CLASP1: variants seen among roughly 807,000 people sequenced by gnomAD.
The protein encoded by CLASP1 is CLIP-associating protein 1.
In CLASP1, 38 loss-of-function variants were observed where a neutral mutation model predicts 192.3. The ratio of observed to expected loss-of-function variants is 0.20; its 90% CI spans 0.15 to 0.26. The LOEUF (loss-of-function observed/expected upper bound fraction) is 0.26, where lower values mean the gene tolerates loss of function less well. Ranked by LOEUF, CLASP1 falls within the 10% of genes least tolerant of loss-of-function variation. CLASP1 has a pLI of 1.00. For synonymous variants in CLASP1, 691 were observed against 712.8 expected (o/e 0.97, Z 0.49); for missense variants, 1,433 against 1,932.5 (o/e 0.74, Z 4.85).
At chr2:121,448,225 T>G (rs1053064603) in intron 18 of CLASP1, 51 bp downstream of exon 18, 6 of 1,533,762 alleles carry the variant, frequency 3.9e-6, no homozygotes, top group Non-Finnish European at 2.7e-6. Context: ...CAGCTGCACG[T>G]ACAGCCCACC....
chr2:121,395,098 A>T (rs1445459925), intron 30 of CLASP1, among the ~76,000 whole-genome samples: 2 of 152,120 alleles, frequency 1.3e-5, no homozygotes, highest in Non-Finnish European at 2.9e-5. Flanking sequence ...CACCTGCAAG[A>T]GACTGAAATC....
intron 2 of CLASP1, among the ~76,000 whole-genome samples, chr2:121,596,111 T>C (rs911338778): frequency 6.6e-6 from 1 of 152,206 alleles, no homozygotes; most frequent in Non-Finnish European, 1.5e-5. Flanking sequence ...TAAACACATT[T>C]AGGAAGAAAT....
At chr2:121,383,642 A>T (rs2072321128) in intron 32 of CLASP1, among the ~76,000 whole-genome samples, 2 of 152,060 alleles carry the variant, frequency 1.3e-5, no homozygotes, top group Non-Finnish European at 2.9e-5. Context: ...CTGCTCTATG[A>T]CATGTTTGCC....
chr2:121,401,918 C>T, intron 26 of CLASP1, 48 bp from the exon 28 acceptor site: 1 of 660,996 alleles, frequency 1.5e-6, no homozygotes, highest in Non-Finnish European at 2.8e-6. Flanking sequence ...AAACAAATTC[C>T]ATGTTAGTTG....
chr2:121,631,568 A>G (rs570632733), intron 1 of CLASP1, among the ~76,000 whole-genome samples: 18 of 151,288 alleles, frequency 1.2e-4, no homozygotes, highest in African/African-American at 4.1e-4. Flanking sequence ...TTACAGGCGT[A>G]AGCCACCAAG....
intron 1 of CLASP1, among the ~76,000 whole-genome samples, chr2:121,619,149 C>T (rs1341860620): frequency 6.6e-6 from 1 of 152,080 alleles, no homozygotes; most frequent in Non-Finnish European, 1.5e-5. Context: ...AATGTAAAAG[C>T]ACCAAAATGA....
intron 19 of CLASP1, among the ~76,000 whole-genome samples, chr2:121,443,462 G>C (rs181636255): frequency 6.6e-6 from 1 of 152,054 alleles, no homozygotes; most frequent in Non-Finnish European, 1.5e-5. Context: ...TCCCAGTAAG[G>C]CTGAGAAAAC....
chr2:121,388,349 C>A (rs1004328879), intron 30 of CLASP1, among the ~76,000 whole-genome samples: 43 of 152,192 alleles, frequency 2.8e-4, no homozygotes, highest in Non-Finnish European at 1.9e-4. Context: ...TGAAGCCATA[C>A]TCCTCTTGAC....
intron 2 of CLASP1, chr2:121,530,917 A>C: frequency 1.4e-6 from 1 of 699,502 alleles, no homozygotes; most frequent in Non-Finnish European, 2.6e-6. Flanking sequence ...CTGTCCAATG[A>C]GCGCATAGTG....
intron 19 of CLASP1, among the ~76,000 whole-genome samples, chr2:121,434,870 CCT>C (rs1402153292): frequency 6.6e-6 from 1 of 152,134 alleles, no homozygotes; most frequent in Non-Finnish European, 1.5e-5. Context: ...CGCCTGCAAT[CCT>C]CTTTTACTGG....
intron 6 of CLASP1, among the ~76,000 whole-genome samples, chr2:121,519,547 A>G (rs1238711595): frequency 6.6e-6 from 1 of 152,216 alleles, no homozygotes; most frequent in Non-Finnish European, 1.5e-5. Flanking sequence ...TCAAAATGTA[A>G]AATTAAAACA....
chr2:121,514,905 T>C (rs1371115325), intron 7 of CLASP1, among the ~76,000 whole-genome samples: 2 of 152,220 alleles, frequency 1.3e-5, no homozygotes, highest in Non-Finnish European at 2.9e-5. Context: ...AGTCACTTCA[T>C]GTTTCTAGGC....
chr2:121,375,609 G>A (rs781266159), intron 34 of CLASP1, among the ~76,000 whole-genome samples: 15 of 152,070 alleles, frequency 9.9e-5, no homozygotes, highest in Middle Eastern at 3.4e-3. Flanking sequence ...TGATCCACCC[G>A]CCTCGGCCTC....
At chr2:121,507,564 T>A (rs1483526846) in intron 7 of CLASP1, among the ~76,000 whole-genome samples, 1 of 152,226 alleles carries the variant, frequency 6.6e-6, no homozygotes, top group Non-Finnish European at 1.5e-5. Flanking sequence ...CCCTAGTTGT[T>A]ATCGTTGCCT....
At chr2:121,373,848 C>G (rs992140747) in intron 34 of CLASP1, among the ~76,000 whole-genome samples, 1 of 152,088 alleles carries the variant, frequency 6.6e-6, no homozygotes. Flanking sequence ...TGCATAAACA[C>G]AAAAATGACC....
At chr2:121,419,683 G>C (rs567899914) in intron 22 of CLASP1, among the ~76,000 whole-genome samples, 1 of 151,574 alleles carries the variant, frequency 6.6e-6, no homozygotes, top group South Asian at 2.1e-4. Context: ...GCTTAGAAAA[G>C]ACCAGGATAC....
chr2:121,595,688 T>A (rs1008356871), intron 2 of CLASP1, among the ~76,000 whole-genome samples: 2 of 152,204 alleles, frequency 1.3e-5, no homozygotes, highest in African/African-American at 4.8e-5. Flanking sequence ...GACTTTATTA[T>A]CAACACTGAA....
At chr2:121,510,537 G>C (rs114105320) in intron 7 of CLASP1, among the ~76,000 whole-genome samples, 1,538 of 152,198 alleles carry the variant, frequency 0.01, 30 homozygotes, top group African/African-American at 0.035. Flanking sequence ...TAGAGAAATT[G>C]AATTAGTGAC....
At chr2:121,567,837 C>A (rs1481894606) in intron 2 of CLASP1, among the ~76,000 whole-genome samples, 1 of 152,192 alleles carries the variant, frequency 6.6e-6, no homozygotes, top group East Asian at 1.9e-4. Flanking sequence ...TGGAGCGCCA[C>A]ATAATACAAA....
Sources: allele counts gnomAD v4.1 joint callset (sites outside exome capture counted in the v4.1 genomes callset), GRCh38; gene constraint gnomAD v4.1.1; transcripts MANE v1.5; gene names NCBI Gene and HGNC (gene_info 2026-07-23, HGNC 2026-07-21).